CAMTA1: variants seen among roughly 807,000 people sequenced by gnomAD.
CAMTA1 encodes calmodulin binding transcription activator 1.
CAMTA1 carries 27 observed loss-of-function variants against 170.9 expected under a neutral mutation model. That is an observed-to-expected ratio of 0.16 (90% CI 0.12 to 0.22). The LOEUF is 0.22. Among genes scored for constraint, CAMTA1 ranks in the 10% least tolerant of loss-of-function variants. The pLI, the probability that CAMTA1 is intolerant of heterozygous loss-of-function variation, is 1.00. For missense variants in CAMTA1, 1,619 were observed against 2,217.2 expected (o/e 0.73, Z 5.42); for synonymous variants, 833 against 891.5 (o/e 0.93, Z 1.17).
chr1:7,099,020 C>G (rs758311547), intron 4 of CAMTA1, among the ~76,000 whole-genome samples: 19 of 152,258 alleles, frequency 1.2e-4, no homozygotes, highest in Admixed American at 8.5e-4. Flanking sequence ...CAGCTACGAC[C>G]TGTGGCTCCT....
At chr1:7,424,031 T>C (rs1039768682) in intron 5 of CAMTA1, among the ~76,000 whole-genome samples, 4 of 152,056 alleles carry the variant, frequency 2.6e-5, no homozygotes, top group Non-Finnish European at 5.9e-5. Flanking sequence ...GCGGCACCTT[T>C]CTTGGGGTGA....
intron 5 of CAMTA1, among the ~76,000 whole-genome samples, chr1:7,424,762 G>C (rs1011305391): frequency 2.0e-5 from 3 of 152,228 alleles, no homozygotes; most frequent in Non-Finnish European, 4.4e-5. Context: ...GTTGCAGCTC[G>C]GATAAGGTGA....
At chr1:7,729,807 A>G (rs532369972) in intron 11 of CAMTA1, among the ~76,000 whole-genome samples, 1 of 152,270 alleles carries the variant, frequency 6.6e-6, no homozygotes, top group African/African-American at 2.4e-5. Context: ...CCTGGTGTGC[A>G]GGAAGCATTC....
intron 6 of CAMTA1, among the ~76,000 whole-genome samples, chr1:7,542,718 G>A (rs1406083363): frequency 6.6e-6 from 1 of 151,960 alleles, no homozygotes; most frequent in Non-Finnish European, 1.5e-5. Context: ...TAGTAGAGAC[G>A]GGATTTCGCC....
At chr1:6,835,025 G>T (rs957678975) in intron 3 of CAMTA1, among the ~76,000 whole-genome samples, 4 of 152,172 alleles carry the variant, frequency 2.6e-5, no homozygotes, top group African/African-American at 9.7e-5. Context: ...TCACCCCGCA[G>T]CCTTCTGGAC....
intron 3 of CAMTA1, among the ~76,000 whole-genome samples, chr1:6,964,507 A>G (rs1216701451): frequency 1.3e-5 from 2 of 152,164 alleles, no homozygotes; most frequent in African/African-American, 2.4e-5. Flanking sequence ...TCTTGGGTGG[A>G]AAAGCCATGG....
In CAMTA1 at chr1:7,736,393, T is replaced by A. The variant is rs767722710; in HGVS notation, c.3116T>A (p.Val1039Asp). The A allele has an allele frequency of 1.2e-6, 2 of 1,613,856 alleles. No individual in the cohort carries two copies. The highest frequency in any genetic ancestry group is 3.3e-5 in the Admixed American group (2 of 59,976). The change falls in exon 13 of 23, where the codon GTC (valine) becomes GAC (aspartate). Residue 1039 changes from valine to aspartate, a missense_variant. By Grantham distance (152) the Val-to-Asp change is radical. Transcript: ENST00000303635. The surrounding 1 kb of genome is among the most constrained non-coding windows in gnomAD (Gnocchi z 4.5). ...ALGSCFESRV[V>D]VVCEKMMSRA... ...GGGAGCTGCTTTGAGAGCCGTGTGG[T>A]CGTGGTATGCGAGAAGATGATGAGC...
At chr1:6,990,357 A>G (rs1381352421) in intron 3 of CAMTA1, among the ~76,000 whole-genome samples, 1 of 152,212 alleles carries the variant, frequency 6.6e-6, no homozygotes, top group Admixed American at 6.5e-5. Flanking sequence ...TAGATATGAT[A>G]TATCCATCAC....
intron 3 of CAMTA1, among the ~76,000 whole-genome samples, chr1:6,865,516 C>G (rs751502019): frequency 2.6e-5 from 4 of 152,184 alleles, no homozygotes; most frequent in Non-Finnish European, 5.9e-5. Flanking sequence ...AAGATCTGCA[C>G]TCTTGAGCTT....
intron 3 of CAMTA1, among the ~76,000 whole-genome samples, chr1:6,944,827 C>G (rs567567818): frequency 3.5e-4 from 53 of 152,278 alleles, no homozygotes; most frequent in African/African-American, 1.3e-3. Flanking sequence ...AACCATACTT[C>G]GAATTTTGAA....
intron 4 of CAMTA1, among the ~76,000 whole-genome samples, chr1:7,187,778 G>C (rs1193046960): frequency 1.3e-5 from 2 of 152,112 alleles, no homozygotes; most frequent in Admixed American, 1.3e-4. Context: ...CATCCCATTA[G>C]AGTGGGACCT....
At chr1:7,104,485 C>T (rs1008661236) in intron 4 of CAMTA1, among the ~76,000 whole-genome samples, 4 of 152,138 alleles carry the variant, frequency 2.6e-5, no homozygotes, top group African/African-American at 7.2e-5. Flanking sequence ...GCAAAGACGC[C>T]GTGGAGTCTG....
At chr1:6,919,739 C>G (rs1175760551) in intron 3 of CAMTA1, among the ~76,000 whole-genome samples, 1 of 152,194 alleles carries the variant, frequency 6.6e-6, no homozygotes, top group Non-Finnish European at 1.5e-5. Context: ...TGGCGGAAGG[C>G]AAGGAGGAGC....
chr1:7,639,999 G>A (rs909800284), intron 6 of CAMTA1, among the ~76,000 whole-genome samples: 4 of 152,160 alleles, frequency 2.6e-5, no homozygotes, highest in Non-Finnish European at 5.9e-5. Context: ...GCTGTGGTGC[G>A]AGGTCAGGGA....
chr1:7,665,869 A>T lies in CAMTA1; in HGVS notation c.2652+670A>T, dbSNP rs1028422882. On this transcript the variant is annotated intron_variant, in intron 9 of 22. Transcript: ENST00000303635. This position sits in a 1 kb window ranked among gnomAD's most constrained non-coding sequence, Gnocchi z 4.3. Reference sequence around the variant, plus strand: ...AGGGGTCCCAGGGTTGCTTAAAAAAATTCAAAAGTCACCATTGGCCGGGCT... The same window carrying T: ...AGGGGTCCCAGGGTTGCTTAAAAAATTTCAAAAGTCACCATTGGCCGGGCT... 6.6e-6 allele frequency among the ~76,000 whole-genome samples: 1 copy of T among 152,076 alleles called. No individual in the cohort carries two copies. The highest frequency in any genetic ancestry group is 1.5e-5 in the Non-Finnish European group (1 of 67,994).
At chr1:7,520,225 C>CTT (rs1412019787) in intron 6 of CAMTA1, among the ~76,000 whole-genome samples, 2 of 38,078 alleles carry the variant, frequency 5.3e-5, no homozygotes, top group Non-Finnish European at 9.6e-5. Flanking sequence ...TCCTCCTCCT[C>CTT]CTCCCTCCTC....
intron 11 of CAMTA1, among the ~76,000 whole-genome samples, chr1:7,730,286 G>T (rs1434574117): frequency 6.6e-6 from 1 of 151,390 alleles, no homozygotes; most frequent in Non-Finnish European, 1.5e-5. Context: ...CACACCTCCA[G>T]CTCTATCGTC....
chr1:7,617,139 G>A (rs866644716), intron 6 of CAMTA1, among the ~76,000 whole-genome samples: 5 of 152,206 alleles, frequency 3.3e-5, no homozygotes, highest in Admixed American at 2.6e-4. Flanking sequence ...CGGGATGCCT[G>A]GTGGCCTTGA....
chr1:6,996,416 T>C (rs1443622054), intron 3 of CAMTA1, among the ~76,000 whole-genome samples: 3 of 152,234 alleles, frequency 2.0e-5, no homozygotes, highest in Admixed American at 2.0e-4. Context: ...TCTGTCCAGG[T>C]GTTTAGGCCT....
Sources: gnomAD v4.1 joint callset for allele counts (sites outside exome capture counted in the v4.1 genomes callset) on GRCh38, gnomAD v4.1.1 for gene constraint, Gnocchi (gnomAD v3.1) non-coding constraint, MANE v1.5 for transcripts, NCBI Gene and HGNC (gene_info 2026-07-23, HGNC 2026-07-21) for gene names.